Variants in CPB1 observed in about 807,000 individuals in gnomAD.
CPB1 encodes carboxypeptidase B1.
Under a neutral mutation model 51.4 loss-of-function variants are expected in CPB1, and 53 were observed. The observed-to-expected ratio is 1.03, with a 90% CI of 0.83 to 1.30. CPB1 has a LOEUF of 1.30. Ranked by LOEUF, CPB1 falls within the 50% of genes most tolerant of loss-of-function variation. The pLI, the probability that CPB1 is intolerant of heterozygous loss-of-function variation, is 0.00. For synonymous variants in CPB1, 189 were observed against 186.9 expected, an observed-to-expected ratio of 1.01 and a Z score of -0.09; for missense variants, 494 against 516.2, an observed-to-expected ratio of 0.96 and a Z score of 0.42.
At chr3:148,834,664 A>C (rs1236435498) in intron 3 of CPB1, 42 bp downstream of exon 3, 1 of 1,572,748 alleles carries the variant, frequency 6.4e-7, no homozygotes, top group African/African-American at 1.4e-5. Context: ...TCTCCCATGC[A>C]TGCTTTCATC....
rs1364486523 is a variant in CPB1 at position 148,846,797 on chromosome 3, G to GTGTGTATA, written c.981+1172_981+1173insGTGTATAT. The stretch of plus-strand genomic sequence containing the variant: ...CACATATATATGTGTGTGTGCGTGT[G>GTGTGTATA]TATATATATATATATATATATATAT... On this transcript the variant is annotated intron_variant, in intron 9 of 10. Coordinates refer to ENST00000282957, the MANE Select transcript of CPB1 (RefSeq NM_001871.3). Among the ~76,000 whole-genome samples, 376 of 50,402 alleles carry GTGTGTATA rather than the reference G, an allele frequency of 7.5e-3. 3 individuals are homozygous for GTGTGTATA. Among genetic ancestry groups the GTGTGTATA allele is most frequent in the Non-Finnish European group, 0.012 (283 of 23,332 alleles). The allele number at this position is 50,402 out of a possible 152,430, so 33.1% of individuals were successfully genotyped here. A position where few individuals can be genotyped will look rare whatever the true frequency, so the allele number is the denominator to read the frequency against.
intron 6 of CPB1, among the ~76,000 whole-genome samples, chr3:148,843,728 G>C (rs1188011605): frequency 6.6e-6 from 1 of 152,118 alleles, no homozygotes; most frequent in Non-Finnish European, 1.5e-5. Flanking sequence ...CTAGGGAAGG[G>C]TTGAATTTAA....
intron 9 of CPB1, among the ~76,000 whole-genome samples, chr3:148,847,372 TAAAA>T (rs3043983): frequency 1.2e-5 from 1 of 86,706 alleles, no homozygotes; most frequent in African/African-American, 4.9e-5. Context: ...AAATCATTCT[TAAAA>T]AAAAAAAAAA....
At position 148,857,517 on chromosome 3, in the gene CPB1, T is replaced by A; in HGVS notation, c.1042T>A (p.Tyr348Asn). ...LASLHGTKYT[Y>N]GPGATTIYPA... is the part of the protein sequence containing the mutation. ...CTCACTGCACGGCACCAAGTACACA[T>A]ATGGCCCGGGAGCTACAACAATCTG... The change falls in exon 10 of 11, where the codon TAT becomes AAT. Residue 348 changes from tyrosine to asparagine, a missense_variant. By Grantham distance (143) the Tyr-to-Asn change is moderately radical. Coordinates refer to ENST00000282957, the MANE Select transcript of CPB1 (RefSeq NM_001871.3). 2 of 1,613,894 alleles carry A rather than the reference T, an allele frequency of 1.2e-6. No homozygotes were observed. Among genetic ancestry groups the A allele is most frequent in the Non-Finnish European group, 1.7e-6 (2 of 1,179,850 alleles).
intron 9 of CPB1, among the ~76,000 whole-genome samples, chr3:148,846,797 G>GTGTATGTATATATATA (rs1364486523): frequency 1.2e-4 from 6 of 50,532 alleles, no homozygotes; most frequent in African/African-American, 1.7e-4. Flanking sequence ...GTGTGCGTGT[G>GTGTATGTATATATATA]TATATATATA....
chr3:148,834,446 A>G (rs1712831882), intron 2 of CPB1, 52 bp from the exon 3 acceptor site: 1 of 1,534,820 alleles, frequency 6.5e-7, no homozygotes, highest in African/African-American at 1.4e-5. Flanking sequence ...CTCGCAGATT[A>G]TCCTTCATCC....
At chr3:148,839,215 AG>A (rs1713001793) in intron 3 of CPB1, among the ~76,000 whole-genome samples, 1 of 152,154 alleles carries the variant, frequency 6.6e-6, no homozygotes, top group African/African-American at 2.4e-5. Flanking sequence ...GTGGAGAAAA[AG>A]GGTATGGCCA....
chr3:148,853,724 T>C (rs993894507), intron 9 of CPB1, among the ~76,000 whole-genome samples: 1 of 152,228 alleles, frequency 6.6e-6, no homozygotes. Context: ...TTTTGAAGTA[T>C]TCCAAGGCCA....
intron 6 of CPB1, among the ~76,000 whole-genome samples, chr3:148,843,931 C>T (rs1713159480): frequency 6.6e-6 from 1 of 152,128 alleles, no homozygotes; most frequent in Non-Finnish European, 1.5e-5. Flanking sequence ...CCCCAAAATC[C>T]ATGAGTGTGA....
At chr3:148,853,137 C>T (rs1203206577) in intron 9 of CPB1, among the ~76,000 whole-genome samples, 1 of 152,134 alleles carries the variant, frequency 6.6e-6, no homozygotes, top group Non-Finnish European at 1.5e-5. Context: ...ATAGGGATGG[C>T]TAAACTCAGA....
At chr3:148,848,846 G>A (rs1187444374) in intron 9 of CPB1, among the ~76,000 whole-genome samples, 1 of 152,308 alleles carries the variant, frequency 6.6e-6, no homozygotes, top group African/African-American at 2.4e-5. Flanking sequence ...GATATGTTTA[G>A]CAGAGCAGTA....
At chr3:148,847,857 C>A (rs958928380) in intron 9 of CPB1, among the ~76,000 whole-genome samples, 7 of 152,022 alleles carry the variant, frequency 4.6e-5, no homozygotes, top group African/African-American at 1.4e-4. Flanking sequence ...AACTAAAATG[C>A]AAAAATTTAA....
intron 3 of CPB1, among the ~76,000 whole-genome samples, chr3:148,834,874 C>G (rs1206486023): frequency 1.3e-5 from 2 of 152,152 alleles, no homozygotes; most frequent in Non-Finnish European, 2.9e-5. Flanking sequence ...AGATATCTGA[C>G]TTGGTCCATT....
rs1025551823 is a variant in CPB1 at position 148,860,114 on chromosome 3, G to C, written c.*112G>C. The C allele has an allele frequency of 9.9e-6, 10 of 1,013,428 alleles. No homozygotes were observed. The Admixed American group carries it at 9.9e-5, about 10-fold the overall frequency. 62.8% of individuals were successfully genotyped at this position (1,013,428 alleles called of 1,614,324 possible). A position where few individuals can be genotyped will look rare whatever the true frequency, so the allele number is the denominator to read the frequency against. ...TTGCAGATCCCAATCTTTCTTTTAA[G>C]CTTCTGGGTCTATTAAACTAGGTAG... On this transcript the variant is annotated 3_prime_UTR_variant, in exon 11 of 11. Coordinates refer to ENST00000282957, the MANE Select transcript of CPB1 (RefSeq NM_001871.3).
At chr3:148,845,294 A>C in intron 8 of CPB1, 130 bp from the exon 9 acceptor site, 1 of 670,116 alleles carries the variant, frequency 1.5e-6, no homozygotes, top group Non-Finnish European at 2.6e-6. Context: ...ATATATACAT[A>C]ATAGGGACAA....
At chr3:148,833,428 T>C (rs1712797833) in intron 2 of CPB1, among the ~76,000 whole-genome samples, 1 of 152,166 alleles carries the variant, frequency 6.6e-6, no homozygotes. Context: ...TGAGATGCCT[T>C]ACAGTATTAC....
intron 3 of CPB1, chr3:148,838,140 C>T (rs542387881): frequency 6.6e-6 from 1 of 152,068 alleles, no homozygotes; most frequent in African/African-American, 2.4e-5. Flanking sequence ...CCCAGCTACT[C>T]GGGAGGCTGA....
intron 6 of CPB1, among the ~76,000 whole-genome samples, chr3:148,842,211 C>T (rs761472580): frequency 1.4e-5 from 2 of 144,294 alleles, no homozygotes; most frequent in Non-Finnish European, 1.5e-5. Flanking sequence ...CACGGTGGAA[C>T]CTCATCTCTT....
chr3:148,859,893 C>T lies in CPB1; in HGVS notation c.1145C>T (p.Thr382Ile), dbSNP rs769279741. 2 of 1,613,994 alleles carry T rather than the reference C, an allele frequency of 1.2e-6. No homozygotes were observed. The highest frequency in any genetic ancestry group is 4.5e-5 in the East Asian group (2 of 44,890). ...RYSFTFELRD[T>I]GRYGFLLPES... The stretch of plus-strand genomic sequence containing the variant: ...TCCTTCACCTTTGAACTTCGAGATA[C>T]AGGCAGATATGGCTTTCTCCTTCCA... Residue 382 changes from threonine (T) to isoleucine (I), a missense_variant, in exon 11 of 11, where the codon ACA becomes ATA. By Grantham distance (89) the Thr-to-Ile change is moderately conservative. Coordinates refer to ENST00000282957, the MANE Select transcript of CPB1 (RefSeq NM_001871.3).
Sources: allele counts gnomAD v4.1 joint callset (sites outside exome capture counted in the v4.1 genomes callset), GRCh38; gene constraint gnomAD v4.1.1; transcripts MANE v1.5; gene names NCBI Gene and HGNC (gene_info 2026-07-23, HGNC 2026-07-21).